NOL4L: variants seen among roughly 807,000 people sequenced by gnomAD.
NOL4L encodes the protein nucleolar protein 4-like.
A neutral mutation model predicts 64.5 loss-of-function variants in NOL4L; 7 were observed. The ratio of observed to expected loss-of-function variants is 0.11; its 90% confidence interval spans 0.06 to 0.20. NOL4L has a LOEUF of 0.20. NOL4L is among the 10% of genes least tolerant of loss of function. The probability of loss-of-function intolerance (pLI) is 1.00; values close to 1 mark genes in which losing one functional copy is unlikely to be tolerated. For missense variants in NOL4L, 680 were observed against 967.1 expected (o/e 0.70, Z 3.94); for synonymous variants, 413 against 401.0 (o/e 1.03, Z -0.36).
intron 4 of NOL4L, among the ~76,000 whole-genome samples, chr20:32,480,478 G>C (rs1228794494): frequency 6.6e-6 from 1 of 152,162 alleles, no homozygotes; most frequent in Non-Finnish European, 1.5e-5. Context: ...CCAGCCTCAG[G>C]GGGTTGCCCC....
intron 4 of NOL4L, among the ~76,000 whole-genome samples, chr20:32,506,023 G>A (rs773012958): frequency 9.2e-5 from 14 of 152,148 alleles, no homozygotes; most frequent in Non-Finnish European, 1.5e-4. Context: ...ATACTTAAAC[G>A]TGGTTAAAAT....
Position 32,483,459 on chromosome 20 carries a change from G to GCTC in NOL4L, c.700-8718_700-8717insGAG, listed in dbSNP as rs943405225. ...CACAGCTCCAGCTGCTGCTGCTGCT[G>GCTC]CTGCCGCCGCGGCTGCCCGGGGAGA... On this transcript the variant is annotated intron_variant, in intron 4 of 10. Coordinates refer to ENST00000621426, the MANE Select transcript of NOL4L (RefSeq NM_001256798.2). 13 of 991,546 alleles carry GCTC rather than the reference G, an allele frequency of 1.3e-5. No homozygotes were observed. The African/African-American group carries it at 2.1e-4, about 16-fold the overall frequency. 61.4% of individuals were successfully genotyped at this position (991,546 alleles called of 1,614,324 possible).
chr20:32,474,804 C>T, intron 4 of NOL4L, 62 bp from the exon 5 acceptor site: 1 of 1,509,254 alleles, frequency 6.6e-7, no homozygotes. Context: ...CCTGAGGCAG[C>T]CTTGTGGGTG....
chr20:32,546,617 A>G (rs959793356), intron 1 of NOL4L, among the ~76,000 whole-genome samples: 1 of 152,128 alleles, frequency 6.6e-6, no homozygotes, highest in Admixed American at 6.5e-5. Context: ...TTGTATTTTT[A>G]GTAGAGACAG....
intron 5 of NOL4L, among the ~76,000 whole-genome samples, chr20:32,466,902 G>A (rs957249145): frequency 4.6e-5 from 7 of 152,204 alleles, no homozygotes; most frequent in Admixed American, 4.6e-4. Context: ...GGGTCCACGG[G>A]GAGGCAGCAG....
intron 4 of NOL4L, among the ~76,000 whole-genome samples, chr20:32,482,257 G>A (rs1194155115): frequency 6.6e-6 from 1 of 152,114 alleles, no homozygotes; most frequent in Non-Finnish European, 1.5e-5. Context: ...GTGCTCTTGG[G>A]GAGAGGGGAG....
intron 1 of NOL4L, among the ~76,000 whole-genome samples, chr20:32,534,967 T>TG (rs2018468397): frequency 6.8e-6 from 1 of 148,022 alleles, no homozygotes; most frequent in Non-Finnish European, 1.5e-5. Context: ...CAGCTCCTGG[T>TG]GGGGCTGAAA....
intron 4 of NOL4L, among the ~76,000 whole-genome samples, chr20:32,484,071 T>C (rs2145501407): frequency 6.6e-6 from 1 of 151,992 alleles, no homozygotes; most frequent in African/African-American, 2.4e-5. Context: ...CGGCGGGCTG[T>C]CTGCGGTCAG....
chr20:32,488,812 T>TC (rs1196117877), intron 4 of NOL4L, among the ~76,000 whole-genome samples: 3 of 29,274 alleles, frequency 1.0e-4, no homozygotes, highest in African/African-American at 7.1e-4. Flanking sequence ...TCTTTTTCTT[T>TC]CTTTCTTTCT....
At position 32,447,403 on chromosome 20, in the gene NOL4L, CAAAAA is replaced by C. The variant is rs386393630; in HGVS notation, c.*188_*192del. 1.8e-3 allele frequency: 268 copies of C among 151,504 alleles called. No homozygotes were observed. The highest frequency in any genetic ancestry group is 0.012 in the East Asian group (42 of 3,440). The allele number at this position is 151,504 out of a possible 1,614,324, so 9.4% of individuals were successfully genotyped here. On this transcript the variant is annotated 3_prime_UTR_variant, in exon 11 of 11. Coordinates refer to ENST00000621426, the MANE Select transcript of NOL4L (RefSeq NM_001256798.2). ...TCAGAGCACCCGTGTGGTGAGATTC[CAAAAA>C]AAAAAAAAAAAAAAAAAAAAAGTGT...
rs768091957 is a variant in NOL4L at position 32,453,672 on chromosome 20, C to G, written c.1209G>C (p.Thr403=). 2 of 1,574,850 alleles carry G rather than the reference C, an allele frequency of 1.3e-6. No individual in the cohort carries two copies. Among genetic ancestry groups the G allele is most frequent in the Non-Finnish European group, 1.7e-6 (2 of 1,160,260 alleles). The part of the protein sequence containing the change: ...PEDLTVGRAP[T]ADDDDDDHDD... ...CGTGGTCATCGTCGTCATCATCTGC[C>G]GTCGGGGCCCGGCCCACTGTCAGGT... is the stretch of plus-strand genomic sequence containing the variant. Residue 403 remains threonine, a synonymous_variant, in exon 7 of 11, where the codon ACG becomes ACC. Transcript: ENST00000621426. The surrounding 1 kb of genome is among the most constrained non-coding windows in gnomAD (Gnocchi z 5.6).
At position 32,447,265 on chromosome 20, in the gene NOL4L, A is replaced by C; in HGVS notation, c.*331T>G. The C allele has an allele frequency of 1.8e-6, 1 of 546,826 alleles. No individual in the cohort carries two copies. The highest frequency in any genetic ancestry group is 3.5e-6 in the Non-Finnish European group (1 of 286,656). The allele number at this position is 546,826 out of a possible 1,614,324, so 33.9% of individuals were successfully genotyped here. On this transcript the variant is annotated 3_prime_UTR_variant, in exon 11 of 11. Coordinates refer to ENST00000621426, the MANE Select transcript of NOL4L (RefSeq NM_001256798.2). ...TGAAAGGTAATTATCTGGGGGTGGGATTCTAACATCAGGGTCCACGAAGGT... is the reference window on the plus strand; with the variant it reads ...TGAAAGGTAATTATCTGGGGGTGGGCTTCTAACATCAGGGTCCACGAAGGT...
chr20:32,572,023 A>T (rs866294122), intron 1 of NOL4L, among the ~76,000 whole-genome samples: 11 of 152,188 alleles, frequency 7.2e-5, no homozygotes, highest in South Asian at 4.1e-4. Flanking sequence ...TGCCAGGCAG[A>T]TTCACACCCA....
chr20:32,538,014 A>G (rs943820100), intron 1 of NOL4L, among the ~76,000 whole-genome samples: 7 of 152,126 alleles, frequency 4.6e-5, no homozygotes, highest in Admixed American at 4.6e-4. Context: ...CCTGGCCTCA[A>G]GTGATCCCAC....
chr20:32,488,817 CTTTCTTTCT>C (rs1413955881), intron 4 of NOL4L, among the ~76,000 whole-genome samples: 4 of 23,930 alleles, frequency 1.7e-4, no homozygotes, highest in Non-Finnish European at 2.8e-4. Context: ...TTCTTTCTTT[CTTTCTTTCT>C]TTTTCTTTCT....
At chr20:32,550,168 T>C (rs372870541) in intron 1 of NOL4L, among the ~76,000 whole-genome samples, 3 of 152,232 alleles carry the variant, frequency 2.0e-5, no homozygotes, top group Non-Finnish European at 4.4e-5. Context: ...GCGAACATCA[T>C]AGAGTGTATC....
rs1392854694 is a variant in NOL4L at position 32,585,229 on chromosome 20, G to T, written c.-339C>A. On this transcript the variant is annotated 5_prime_UTR_variant, in exon 1 of 11. Transcript: ENST00000621426. ...GGGGCGGGCCGCCCCGCGGGCGGCC[G>T]GGGGAGGCGGGAGGCGGGGAGCGGC... 1.4e-5 allele frequency among the ~76,000 whole-genome samples: 2 copies of T among 148,104 alleles called. No homozygotes were observed.
At position 32,532,057 on chromosome 20, in the gene NOL4L, C is replaced by T. The variant is rs1225922965; in HGVS notation, c.322-4144G>A. 2.0e-5 allele frequency among the ~76,000 whole-genome samples: 3 copies of T among 152,346 alleles called. No individual in the cohort carries two copies. The East Asian group carries it at 5.8e-4, about 29-fold the overall frequency. On this transcript the variant is annotated intron_variant, in intron 1 of 10. Coordinates refer to ENST00000621426, the MANE Select transcript of NOL4L (RefSeq NM_001256798.2). ...CCCATGTGGCCTGTCTCTTCCCAGC[C>T]TCCCACCTGCCCTCTTAGGTTGACT...
chr20:32,577,277 G>A (rs1980177634), intron 1 of NOL4L, among the ~76,000 whole-genome samples: 1 of 152,184 alleles, frequency 6.6e-6, no homozygotes, highest in Non-Finnish European at 1.5e-5. Context: ...GGGCCGGGCG[G>A]GGGTGGCGTC....
Sources: gnomAD v4.1 joint callset for allele counts (sites outside exome capture counted in the v4.1 genomes callset) on GRCh38, gnomAD v4.1.1 for gene constraint, Gnocchi (gnomAD v3.1) non-coding constraint, MANE v1.5 for transcripts, NCBI Gene and HGNC (gene_info 2026-07-23, HGNC 2026-07-21) for gene names.